SDHAF3: variants seen among roughly 807,000 people sequenced by gnomAD.
The protein encoded by SDHAF3 is succinate dehydrogenase complex assembly factor 3.
In SDHAF3, 18 loss-of-function variants were observed where a neutral mutation model predicts 11.5. The observed-to-expected ratio is 1.56, with a 90% CI of 1.08 to 2.32. SDHAF3 has a LOEUF of 2.32. SDHAF3 is among the 30% of genes most tolerant of loss of function. SDHAF3 has a pLI of 0.00. For missense variants in SDHAF3, 200 were observed against 154.4 expected, an observed-to-expected ratio of 1.30 and a Z score of -1.57; for synonymous variants, 72 against 59.3, an observed-to-expected ratio of 1.21 and a Z score of -0.99.
intron 1 of SDHAF3, chr7:97,142,842 C>G (rs1176831689): frequency 6.7e-6 from 1 of 149,874 alleles, no homozygotes; most frequent in Admixed American, 6.7e-5. Context: ...CCACTATCTT[C>G]TCTCAGGAAG....
intron 1 of SDHAF3, among the ~76,000 whole-genome samples, chr7:97,172,460 T>TA (rs1789615483): frequency 6.6e-6 from 1 of 152,210 alleles, no homozygotes; most frequent in African/African-American, 2.4e-5. Context: ...CTGTGACTCT[T>TA]ATCACCTTTC....
rs143018966 is a variant in SDHAF3, at chr7:97,123,276, G to A, written c.174+5379G>A. 5.9e-3 allele frequency among the ~76,000 whole-genome samples: 903 copies of A among 152,236 alleles called. 11 individuals are homozygous for A. The highest frequency in any genetic ancestry group is 0.021 in the African/African-American group (858 of 41,516). On this transcript the variant is annotated intron_variant, in intron 1 of 1. Coordinates refer to ENST00000432641, the MANE Select transcript of SDHAF3 (RefSeq NM_020186.3). Reference sequence around the variant, plus strand: ...TTTTCTGTTCCTGTATTAGTTTGCTGAGGATGATGGTTTCCAGCTTCATCC... The same window carrying A: ...TTTTCTGTTCCTGTATTAGTTTGCTAAGGATGATGGTTTCCAGCTTCATCC...
At chr7:97,143,258 T>C (rs558596420) in intron 1 of SDHAF3, among the ~76,000 whole-genome samples, 1 of 152,248 alleles carries the variant, frequency 6.6e-6, no homozygotes, top group South Asian at 2.1e-4. Flanking sequence ...TTTTCAAATA[T>C]TAGAGACTGC....
At chr7:97,133,995 T>C (rs1791708581) in intron 1 of SDHAF3, among the ~76,000 whole-genome samples, 1 of 152,248 alleles carries the variant, frequency 6.6e-6, no homozygotes, top group Non-Finnish European at 1.5e-5. Context: ...TTTCTGGACT[T>C]TGGTGCAATA....
chr7:97,153,702 G>C (rs542119580), intron 1 of SDHAF3, among the ~76,000 whole-genome samples: 47 of 152,294 alleles, frequency 3.1e-4, no homozygotes, highest in Non-Finnish European at 6.0e-4. Context: ...ATCCTTGCCA[G>C]CGTTTTGGTG....
intron 1 of SDHAF3, among the ~76,000 whole-genome samples, chr7:97,139,402 G>A (rs1788992277): frequency 6.8e-6 from 1 of 146,416 alleles, no homozygotes; most frequent in Admixed American, 6.7e-5. Flanking sequence ...TGGTTTGTGA[G>A]TATGCAAAAA....
intron 1 of SDHAF3, among the ~76,000 whole-genome samples, chr7:97,179,076 A>G (rs1316477853): frequency 6.6e-6 from 1 of 152,186 alleles, no homozygotes; most frequent in Non-Finnish European, 1.5e-5. Flanking sequence ...TTTTCCCAGC[A>G]CCAGTTGTTG....
chr7:97,179,717 T>TA (rs1789740413), intron 1 of SDHAF3, among the ~76,000 whole-genome samples: 1 of 111,890 alleles, frequency 8.9e-6, no homozygotes. Flanking sequence ...TCCCCACCCC[T>TA]ACCCCCCCTA....
chr7:97,179,532 A>G (rs1238079617), intron 1 of SDHAF3, among the ~76,000 whole-genome samples: 4 of 150,774 alleles, frequency 2.7e-5, no homozygotes, highest in Non-Finnish European at 1.5e-5. Flanking sequence ...ACTTGTTCAC[A>G]TGTTTTAAAG....
At position 97,181,229 on chromosome 7, in the gene SDHAF3, G is replaced by A; in HGVS notation, c.*14G>A. ...CCAAAATTTTAGTCTATACAACAAAGCTTAATAAGACATGCAAAAATTTAG... is the reference window on the plus strand; with the variant it reads ...CCAAAATTTTAGTCTATACAACAAAACTTAATAAGACATGCAAAAATTTAG... On this transcript the variant is annotated 3_prime_UTR_variant, in exon 2 of 2. Transcript: ENST00000432641. 6.3e-7 allele frequency: 1 copy of A among 1,578,484 alleles called. No individual in the cohort carries two copies. Among genetic ancestry groups the A allele is most frequent in the Non-Finnish European group, 8.6e-7 (1 of 1,164,896 alleles).
intron 1 of SDHAF3, among the ~76,000 whole-genome samples, chr7:97,137,803 A>G (rs1788951670): frequency 6.8e-6 from 1 of 147,480 alleles, no homozygotes; most frequent in Non-Finnish European, 1.5e-5. Context: ...TGTTGAATTT[A>G]TGATTATCTA....
intron 1 of SDHAF3, among the ~76,000 whole-genome samples, chr7:97,158,337 T>G (rs1393259741): frequency 6.6e-6 from 1 of 152,212 alleles, no homozygotes; most frequent in East Asian, 1.9e-4. Flanking sequence ...TGTTTTTGTT[T>G]GTTTGTTTGA....
intron 1 of SDHAF3, among the ~76,000 whole-genome samples, chr7:97,127,003 G>T (rs767258252): frequency 6.6e-6 from 1 of 152,132 alleles, no homozygotes; most frequent in Non-Finnish European, 1.5e-5. Flanking sequence ...TATCTGGGCC[G>T]GATAGCACAG....
chr7:97,158,325 C>T (rs568950991), intron 1 of SDHAF3, among the ~76,000 whole-genome samples: 15 of 152,106 alleles, frequency 9.9e-5, no homozygotes, highest in Middle Eastern at 3.4e-3. Context: ...TTAGTTTCCC[C>T]GTGTTTTTGT....
intron 1 of SDHAF3, among the ~76,000 whole-genome samples, chr7:97,177,497 G>A (rs1030412722): frequency 3.3e-5 from 5 of 151,384 alleles, no homozygotes; most frequent in South Asian, 2.1e-4. Context: ...GCGAGACTCC[G>A]TCTCAAAAAA....
Position 97,117,882 on chromosome 7 carries a change from C to T in SDHAF3, c.159C>T (p.Phe53=). The T allele has an allele frequency of 2.5e-6, 4 of 1,614,160 alleles. No homozygotes were observed. The South Asian group carries it at 3.3e-5, about 13-fold the overall frequency. The change falls in exon 1 of 2, where the codon TTC becomes TTT. Residue 53 remains phenylalanine (F), a synonymous_variant. Transcript: ENST00000432641. ...TTGGTTCTGACGAGGCACAGCGTTT[C>T]TTGCAAGAATGGGAGGCAAGTGACG... ...KTVGSDEAQR[F]LQEWEVYATA...
At chr7:97,133,909 G>A (rs548340880) in intron 1 of SDHAF3, among the ~76,000 whole-genome samples, 14 of 152,086 alleles carry the variant, frequency 9.2e-5, no homozygotes, top group African/African-American at 3.4e-4. Context: ...ACATTTCATT[G>A]TTATAAACAC....
At chr7:97,140,724 C>T (rs918745041) in intron 1 of SDHAF3, among the ~76,000 whole-genome samples, 7 of 151,332 alleles carry the variant, frequency 4.6e-5, no homozygotes, top group African/African-American at 9.8e-5. Flanking sequence ...TTCTTAATCC[C>T]GTCATCTTCG....
chr7:97,157,880 C>A (rs566204494), intron 1 of SDHAF3, among the ~76,000 whole-genome samples: 1 of 148,544 alleles, frequency 6.7e-6, no homozygotes, highest in African/African-American at 2.5e-5. Context: ...AACCAAACAC[C>A]GCATGTTCTC....
Sources: gnomAD v4.1 joint callset for allele counts (sites outside exome capture counted in the v4.1 genomes callset) on GRCh38, gnomAD v4.1.1 for gene constraint, MANE v1.5 for transcripts, NCBI Gene and HGNC (gene_info 2026-07-23, HGNC 2026-07-21) for gene names.